The following CGNL1 variants were observed in gnomAD, a reference collection of about 807,000 sequenced individuals.
CGNL1 encodes the protein cingulin-like protein 1.
A neutral mutation model predicts 141.2 loss-of-function variants in CGNL1; 132 were observed. The observed-to-expected ratio is 0.93, with a 90% CI of 0.81 to 1.08. CGNL1 has a LOEUF of 1.08. CGNL1 is among the 50% of genes least tolerant of loss of function. The pLI, the probability that CGNL1 is intolerant of heterozygous loss-of-function variation, is 0.00. For missense variants in CGNL1, 1,870 were observed against 1,588.6 expected (o/e 1.18, Z -3.01); for synonymous variants, 690 against 622.1 (o/e 1.11, Z -1.63).
intron 8 of CGNL1, among the ~76,000 whole-genome samples, chr15:57,468,453 A>G (rs1162023488): frequency 6.6e-6 from 1 of 151,210 alleles, no homozygotes; most frequent in Non-Finnish European, 1.5e-5. Context: ...GCTGGTCTTG[A>G]ACTCCTGAGC....
intron 1 of CGNL1, among the ~76,000 whole-genome samples, chr15:57,431,180 C>G (rs943126110): frequency 1.3e-5 from 2 of 152,146 alleles, no homozygotes; most frequent in African/African-American, 2.4e-5. Context: ...ATTTTTTCCC[C>G]CCAAATAGAA....
intron 4 of CGNL1, among the ~76,000 whole-genome samples, chr15:57,445,118 A>T (rs138915789): frequency 6.6e-6 from 1 of 152,218 alleles, no homozygotes; most frequent in East Asian, 1.9e-4. Context: ...AAAATTAGCC[A>T]GGCGAGGTGG....
intron 4 of CGNL1, among the ~76,000 whole-genome samples, chr15:57,450,905 G>A (rs888735844): frequency 2.0e-5 from 3 of 152,146 alleles, no homozygotes; most frequent in Non-Finnish European, 4.4e-5. Context: ...TGTAGATACA[G>A]AGGTGCATAA....
intron 1 of CGNL1, among the ~76,000 whole-genome samples, chr15:57,422,249 A>G (rs1436444231): frequency 7.5e-6 from 1 of 133,228 alleles, no homozygotes; most frequent in African/African-American, 2.8e-5. Context: ...TGCCTGTTTC[A>G]TTTCACAACC....
At chr15:57,514,548 T>A (rs1217271092) in intron 8 of CGNL1, among the ~76,000 whole-genome samples, 1 of 152,228 alleles carries the variant, frequency 6.6e-6, no homozygotes, top group Non-Finnish European at 1.5e-5. Flanking sequence ...CCTTTCATTC[T>A]GGTCGTTGTC....
chr15:57,516,724 T>G, intron 8 of CGNL1, 56 bp from the exon 9 acceptor site: 1 of 1,557,504 alleles, frequency 6.4e-7, no homozygotes. Context: ...TCTTCCAGCC[T>G]GGGGACAGCT....
intron 1 of CGNL1, among the ~76,000 whole-genome samples, chr15:57,424,404 A>G (rs1239113984): frequency 2.6e-5 from 4 of 151,984 alleles, no homozygotes; most frequent in African/African-American, 9.7e-5. Context: ...TTTCTTATTC[A>G]TCCTCACTCT....
Position 57,545,637 on chromosome 15 carries a change from A to G in CGNL1, c.3546A>G (p.Lys1182=), listed in dbSNP as rs1035542287. 1.2e-6 allele frequency: 2 copies of G among 1,613,822 alleles called. No individual in the cohort carries two copies. The highest frequency in any genetic ancestry group is 1.1e-5 in the South Asian group (1 of 91,008). The part of the protein sequence containing the change: ...LQLSNRRLER[K]VKELVMQVDD... Reference sequence around the variant, plus strand: ...TCAGCAACCGGCGGCTGGAGCGGAAAGTGAAGGAGCTGGTGATGCAGGTGG... The same window carrying G: ...TCAGCAACCGGCGGCTGGAGCGGAAGGTGAAGGAGCTGGTGATGCAGGTGG... Residue 1182 remains lysine, a synonymous_variant, in exon 17 of 19, where the codon AAA becomes AAG. Coordinates refer to ENST00000281282, the MANE Select transcript of CGNL1 (RefSeq NM_032866.5).
intron 1 of CGNL1, among the ~76,000 whole-genome samples, chr15:57,400,801 T>A (rs1279398297): frequency 6.8e-6 from 1 of 147,596 alleles, no homozygotes; most frequent in African/African-American, 2.5e-5. Flanking sequence ...GAGAATCGCC[T>A]GAACCTAGGA....
Position 57,438,425 on chromosome 15 carries a change from G to A in CGNL1, c.426G>A (p.Leu142=). 1.2e-6 allele frequency: 2 copies of A among 1,614,156 alleles called. No homozygotes were observed. Among genetic ancestry groups the A allele is most frequent in the Non-Finnish European group, 1.7e-6 (2 of 1,180,034 alleles). ...RKDGSVKPSH[L]LNFQRHPELL... ...ACGGGTCTGTGAAGCCATCTCACCT[G>A]CTGAACTTTCAGAGGCATCCAGAGC... The change falls in exon 2 of 19, where the codon CTG becomes CTA. Residue 142 remains leucine (L), a synonymous_variant. Transcript: ENST00000281282.
At chr15:57,444,229 C>G (rs991809007) in intron 4 of CGNL1, among the ~76,000 whole-genome samples, 4 of 152,012 alleles carry the variant, frequency 2.6e-5, no homozygotes, top group African/African-American at 9.7e-5. Context: ...TGCATTTCCT[C>G]AACATTATAT....
rs371912139 is a variant in CGNL1, at chr15:57,531,805, G to A, written c.3291+26G>A. 69 of 1,389,602 alleles carry A rather than the reference G, an allele frequency of 5.0e-5. 1 individual carries two copies. In the East Asian group the frequency reaches 6.4e-4, roughly 13 times the overall value. The allele number at this position is 1,389,602 out of a possible 1,614,324, so 86.1% of individuals were successfully genotyped here. On this transcript the variant is annotated intron_variant, in intron 14 of 18. Transcript: ENST00000281282. ...GTACTATTCTATAGGTGAATGATGCGTGGATTGTCCTGTGTGAAAAAGGAA... is the reference window on the plus strand; with the variant it reads ...GTACTATTCTATAGGTGAATGATGCATGGATTGTCCTGTGTGAAAAAGGAA...
rs2032918544 is a variant in CGNL1 at position 57,547,274 on chromosome 15, C to T, written c.3774-81C>T. 4 of 1,540,692 alleles carry T rather than the reference C, an allele frequency of 2.6e-6. No individual in the cohort carries two copies. In the Admixed American group the frequency reaches 7.3e-5, roughly 28 times the overall value. The stretch of plus-strand genomic sequence containing the variant: ...ACTCAGTGGGGTGCAGGGACAGCAA[C>T]CCAAAACCCTCCCTTTAAGTCCAAA... On this transcript the variant is annotated intron_variant, in intron 18 of 18. Transcript: ENST00000281282.
chr15:57,486,363 G>T (rs1487781753), intron 8 of CGNL1, among the ~76,000 whole-genome samples: 1 of 152,060 alleles, frequency 6.6e-6, no homozygotes, highest in Non-Finnish European at 1.5e-5. Context: ...AAGAGGTCGT[G>T]GGGGGAAAGG....
chr15:57,505,123 G>A (rs891564634), intron 8 of CGNL1, among the ~76,000 whole-genome samples: 12 of 152,048 alleles, frequency 7.9e-5, no homozygotes, highest in South Asian at 4.2e-4. Context: ...CTAAGAGGAC[G>A]GGGGCCAAAA....
In CGNL1 at chr15:57,438,281, A is replaced by G; in HGVS notation, c.282A>G (p.Pro94=). ...LPLHSSNGSV[P]KENSEELQLP... is the part of the protein sequence containing the mutation. ...TACATTCCAGCAATGGTTCTGTGCC[A>G]AAGGAGAACAGTGAAGAACTTCAGC... Residue 94 remains proline (P), a synonymous_variant, in exon 2 of 19, where the codon CCA becomes CCG. Coordinates refer to ENST00000281282, the MANE Select transcript of CGNL1 (RefSeq NM_032866.5). 1 of 1,614,204 alleles carries G rather than the reference A, an allele frequency of 6.2e-7. No homozygotes were observed. The highest frequency in any genetic ancestry group is 8.5e-7 in the Non-Finnish European group (1 of 1,180,040).
At chr15:57,545,481 T>C (rs2032806007) in intron 16 of CGNL1, 111 bp from the exon 17 acceptor site, 1 of 878,968 alleles carries the variant, frequency 1.1e-6, no homozygotes, top group African/African-American at 1.7e-5. Flanking sequence ...ACCCTAAGCC[T>C]TGAGCTGACC....
intron 1 of CGNL1, among the ~76,000 whole-genome samples, chr15:57,389,036 T>C (rs1049304435): frequency 5.3e-5 from 8 of 152,186 alleles, no homozygotes; most frequent in Admixed American, 2.0e-4. Flanking sequence ...GTTTTTTTTT[T>C]CTTTTTAAAT....
At chr15:57,433,500 C>T (rs1217437980) in intron 1 of CGNL1, among the ~76,000 whole-genome samples, 1 of 152,206 alleles carries the variant, frequency 6.6e-6, no homozygotes, top group Non-Finnish European at 1.5e-5. Flanking sequence ...TTAGACCCCT[C>T]CACCCAAAGT....
Sources: allele counts gnomAD v4.1 joint callset (sites outside exome capture counted in the v4.1 genomes callset), GRCh38; gene constraint gnomAD v4.1.1; transcripts MANE v1.5; gene names NCBI Gene and HGNC (gene_info 2026-07-23, HGNC 2026-07-21).